The following MYO1C variants were observed in gnomAD, a reference collection of about 807,000 sequenced individuals.
MYO1C encodes the protein unconventional myosin-Ic.
Under a neutral mutation model 150.8 loss-of-function variants are expected in MYO1C, and 104 were observed. The observed-to-expected ratio is 0.69, with a 90% CI of 0.59 to 0.81. The LOEUF (loss-of-function observed/expected upper bound fraction) is 0.81. Among genes scored for constraint, MYO1C ranks in the 30% least tolerant of loss-of-function variants. The pLI is 0.00. For missense variants in MYO1C, 1,504 were observed against 1,435.0 expected (o/e 1.05, Z -0.78); for synonymous variants, 663 against 579.9 (o/e 1.14, Z -2.06).
Position 1,465,768 on chromosome 17 carries a change from G to A in MYO1C, c.3166-16C>T. ...GTGGGGCGACCTGTGGGGGCGGAGA[G>A]AGACGGCCAAGTGGTGAGGGGAGCA... is the stretch of plus-strand genomic sequence containing the variant. On this transcript the variant is annotated splice_polypyrimidine_tract_variant and intron_variant, in intron 31 of 31. Coordinates refer to ENST00000648651, the MANE Select transcript of MYO1C (RefSeq NM_001080779.2). 2 of 1,319,414 alleles carry A rather than the reference G, an allele frequency of 1.5e-6. No homozygotes were observed. Among genetic ancestry groups the A allele is most frequent in the Non-Finnish European group, 2.0e-6 (2 of 1,025,166 alleles). 81.7% of individuals were successfully genotyped at this position (1,319,414 alleles called of 1,614,324 possible).
rs897519578 is a variant in MYO1C at position 1,482,419 on chromosome 17, G to A, written c.627+59C>T. 3 of 1,436,642 alleles carry A rather than the reference G, an allele frequency of 2.1e-6. No individual in the cohort carries two copies. The African/African-American group carries it at 4.2e-5, about 20-fold the overall frequency. 89.0% of individuals were successfully genotyped at this position (1,436,642 alleles called of 1,614,324 possible). On this transcript the variant is annotated intron_variant, in intron 5 of 31. Transcript: ENST00000648651. ...GAATAGTCCCTGGTACCCAGTAGGT[G>A]CTTCACACGTGTAGAGCCTACTGAA...
chr17:1,478,472 C>T lies in MYO1C; in HGVS notation c.1233G>A (p.Trp411Ter), dbSNP rs1421124883. Residue 411 changes from tryptophan to a stop codon, truncating the protein, a stop_gained, in exon 11 of 32, where the codon TGG becomes TGA. Transcript: ENST00000648651. LOFTEE classifies it high-confidence loss of function. The surrounding 1 kb of genome is among the most constrained non-coding windows in gnomAD (Gnocchi z 6.3). The stretch of plus-strand genomic sequence containing the variant: ...GGAGCCCGAGAACCGTGGTGCTCCG[C>T]CAGCTGGGGCTCTCCACGTCCTAGG... ...LASKDVESPS[W>*]RSTTVLGLLD... 6.2e-7 allele frequency: 1 copy of T among 1,614,206 alleles called. No homozygotes were observed. Among genetic ancestry groups the T allele is most frequent in the Non-Finnish European group, 8.5e-7 (1 of 1,180,044 alleles).
chr17:1,485,562 G>C, intron 1 of MYO1C: 1 of 718,814 alleles, frequency 1.4e-6, no homozygotes, highest in Non-Finnish European at 1.8e-6. Flanking sequence ...TCCTCCCCCT[G>C]CAACTTCCCG....
chr17:1,475,224 G>C (rs1329307115), intron 14 of MYO1C, among the ~76,000 whole-genome samples, 192 bp from the exon 15 acceptor site: 1 of 152,234 alleles, frequency 6.6e-6, no homozygotes, highest in Non-Finnish European at 1.5e-5. Context: ...TTCGAGACCA[G>C]CTTGGTCAAT....
Position 1,471,277 on chromosome 17 carries a change from AC to A in MYO1C, c.2080del (p.Val694TrpfsTer64). 6.2e-7 allele frequency: 1 copy of A among 1,613,764 alleles called. No homozygotes were observed. The highest frequency in any genetic ancestry group is 8.5e-7 in the Non-Finnish European group (1 of 1,179,964). On this transcript the variant is annotated frameshift_variant, in exon 20 of 32. Transcript: ENST00000648651. LOFTEE classifies it high-confidence loss of function. ...PTWAGRPQDG[V>X]AVLVRHLGYK... The stretch of plus-strand genomic sequence containing the variant: ...GCCCAGGTGTCGGACCAGCACAGCC[AC>A]CCCATCCTGCGGCCGTCCTGCCCAC...
intron 1 of MYO1C, chr17:1,491,737 G>A: frequency 1.3e-6 from 1 of 772,504 alleles, no homozygotes; most frequent in Non-Finnish European, 1.6e-6. Context: ...GGGCAGGGCC[G>A]CGCACCCTCC....
Position 1,465,718 on chromosome 17 carries a change from C to G in MYO1C, c.*8G>C. 7.5e-7 allele frequency: 1 copy of G among 1,324,736 alleles called. No homozygotes were observed. The allele number at this position is 1,324,736 out of a possible 1,614,324, so 82.1% of individuals were successfully genotyped here. On this transcript the variant is annotated 3_prime_UTR_variant, in exon 32 of 32. Coordinates refer to ENST00000648651, the MANE Select transcript of MYO1C (RefSeq NM_001080779.2). The stretch of plus-strand genomic sequence containing the variant: ...TTGGGCGTTGGGAGGGTCCAGTGGG[C>G]GCCTTTATCACCGAGAATTCAGCCG...
intron 21 of MYO1C, 116 bp from the exon 22 acceptor site, chr17:1,470,805 C>G (rs2074287120): frequency 5.2e-6 from 6 of 1,153,356 alleles, no homozygotes; most frequent in Non-Finnish European, 7.5e-6. Context: ...AACCAACGAG[C>G]AGGAGGAGAG....
At chr17:1,473,531 T>G (rs952002381) in intron 17 of MYO1C, among the ~76,000 whole-genome samples, 1 of 152,162 alleles carries the variant, frequency 6.6e-6, no homozygotes, top group South Asian at 2.1e-4. Context: ...GTCGCCTGCA[T>G]GCCCTCCCTG....
intron 14 of MYO1C, among the ~76,000 whole-genome samples, chr17:1,475,345 G>C (rs1409396248): frequency 6.6e-6 from 1 of 152,176 alleles, no homozygotes; most frequent in Non-Finnish European, 1.5e-5. Context: ...CTTGAACCTG[G>C]GAGGCAGAGG....
intron 1 of MYO1C, among the ~76,000 whole-genome samples, chr17:1,487,453 G>C (rs980474181): frequency 3.3e-5 from 5 of 152,250 alleles, no homozygotes; most frequent in Admixed American, 1.3e-4. Context: ...GGATCCTTGC[G>C]GGGAAGGCTC....
Position 1,483,035 on chromosome 17 carries a change from G to A in MYO1C, c.372C>T (p.Tyr124=), listed in dbSNP as rs778865180. 3 of 1,610,458 alleles carry A rather than the reference G, an allele frequency of 1.9e-6. No homozygotes were observed. The highest frequency in any genetic ancestry group is 2.2e-5 in the East Asian group (1 of 44,816). Residue 124 remains tyrosine (Y), a synonymous_variant, in exon 4 of 32, where the codon TAC becomes TAT. Coordinates refer to ENST00000648651, the MANE Select transcript of MYO1C (RefSeq NM_001080779.2). ...PHLFAVADTV[Y]RALRTERRDQ... ...CCCGACGCTCCGTGCGCAGTGCTCG[G>A]TACACAGTGTCCGCCACGGCAAACC...
intron 17 of MYO1C, among the ~76,000 whole-genome samples, chr17:1,473,093 G>A (rs915929639): frequency 1.8e-4 from 28 of 152,216 alleles, no homozygotes; most frequent in African/African-American, 5.8e-4. Flanking sequence ...CCAGCTACTC[G>A]TGAGTGTGAA....
intron 1 of MYO1C, chr17:1,491,795 G>C: frequency 5.5e-6 from 2 of 364,504 alleles, no homozygotes; most frequent in Non-Finnish European, 7.6e-6. Flanking sequence ...GCGAAGCCTC[G>C]GTGCGTGCGG....
intron 17 of MYO1C, chr17:1,472,466 G>A (rs1261024478): frequency 5.4e-6 from 3 of 551,958 alleles, no homozygotes; most frequent in African/African-American, 3.8e-5. Flanking sequence ...TAAAACTCCT[G>A]CTCAGGTCTC....
chr17:1,467,441 C>T, intron 30 of MYO1C, 39 bp downstream of exon 30: 1 of 1,607,176 alleles, frequency 6.2e-7, no homozygotes, highest in East Asian at 2.2e-5. Flanking sequence ...AGCCCCCTCG[C>T]CACCCCCGCC....
At chr17:1,468,538 G>GCTCCC in intron 25 of MYO1C, 42 bp from the exon 26 acceptor site, 2 of 1,508,212 alleles carry the variant, frequency 1.3e-6, no homozygotes, top group Non-Finnish European at 1.8e-6. Flanking sequence ...ATGGTGGGGA[G>GCTCCC]CACCATCTTG....
At chr17:1,480,960 C>A in intron 5 of MYO1C, 75 bp from the exon 6 acceptor site, 3 of 1,533,698 alleles carry the variant, frequency 2.0e-6, no homozygotes, top group Non-Finnish European at 2.7e-6. Context: ...TTCTCCCCTG[C>A]ACTCCTGGGC....
At chr17:1,467,941 AG>A (rs746114923) in intron 28 of MYO1C, 31 bp from the exon 29 acceptor site, 1 of 1,612,756 alleles carries the variant, frequency 6.2e-7, no homozygotes, top group East Asian at 2.2e-5. Context: ...TCAGAGGTCG[AG>A]GGTCAGAGCA....
Sources: gnomAD v4.1 joint callset for allele counts (sites outside exome capture counted in the v4.1 genomes callset) on GRCh38, gnomAD v4.1.1 for gene constraint, Gnocchi (gnomAD v3.1) non-coding constraint, MANE v1.5 for transcripts, NCBI Gene and HGNC (gene_info 2026-07-23, HGNC 2026-07-21) for gene names.